The following CSMD1 variants were observed in gnomAD, a reference collection of about 807,000 sequenced individuals.
The protein encoded by CSMD1 is CUB and sushi domain-containing protein 1.
CSMD1 carries 213 observed loss-of-function variants against 417.5 expected under a neutral mutation model. That is an observed-to-expected ratio of 0.51 (90% CI 0.46 to 0.57). The LOEUF (loss-of-function observed/expected upper bound fraction) is 0.57, where lower values mean the gene tolerates loss of function less well. CSMD1 is among the 20% of genes least tolerant of loss of function. The pLI, the probability that CSMD1 is intolerant of heterozygous loss-of-function variation, is 0.00. For synonymous variants in CSMD1, 2,862 were observed against 1,736.8 expected (o/e 1.65, Z -16.11); for missense variants, 6,923 against 4,529.7 (o/e 1.53, Z -15.17).
intron 1 of CSMD1, among the ~76,000 whole-genome samples, chr8:4,898,096 T>C (rs549882644): frequency 6.6e-6 from 1 of 152,258 alleles, no homozygotes; most frequent in African/African-American, 2.4e-5. Flanking sequence ...ATTGGTTAAA[T>C]GAAGCAAACG....
At chr8:3,318,987 C>T (rs1052436765) in intron 23 of CSMD1, among the ~76,000 whole-genome samples, 1 of 152,106 alleles carries the variant, frequency 6.6e-6, no homozygotes, top group Non-Finnish European at 1.5e-5. Flanking sequence ...AAGGGAGACC[C>T]AGAAACACAA....
In CSMD1 at chr8:4,445,187, T is replaced by A. The variant is rs535226279; in HGVS notation, c.303-25122A>T. On this transcript the variant is annotated intron_variant, in intron 2 of 69. Transcript: ENST00000635120. ...GAAGAATCTGACACCTTTTTTTTAA[T>A]GTGCAGAATCCTGGTTAAGACTACT... 7.2e-5 allele frequency among the ~76,000 whole-genome samples: 11 copies of A among 152,330 alleles called. No homozygotes were observed. In the South Asian group the frequency reaches 1.5e-3, roughly 20 times the overall value.
At chr8:4,624,121 CA>C (rs1442397848) in intron 2 of CSMD1, among the ~76,000 whole-genome samples, 4 of 151,966 alleles carry the variant, frequency 2.6e-5, no homozygotes, top group Non-Finnish European at 5.9e-5. Context: ...CTCTGTATAC[CA>C]AAATTCTAAT....
intron 3 of CSMD1, among the ~76,000 whole-genome samples, chr8:4,369,236 C>G (rs561662025): frequency 2.6e-5 from 4 of 152,208 alleles, no homozygotes; most frequent in South Asian, 4.1e-4. Context: ...AGTTCAACTT[C>G]CATGTAATTG....
chr8:3,403,303 T>C (rs887368096), intron 15 of CSMD1, among the ~76,000 whole-genome samples: 2 of 152,214 alleles, frequency 1.3e-5, no homozygotes, highest in Admixed American at 6.5e-5. Flanking sequence ...ATTGCTATTT[T>C]ATTTTTTTCC....
At chr8:4,104,972 A>T (rs529840409) in intron 3 of CSMD1, among the ~76,000 whole-genome samples, 1 of 148,678 alleles carries the variant, frequency 6.7e-6, no homozygotes. Flanking sequence ...CAATTCGATC[A>T]TAATAGAACA....
chr8:3,542,424 G>T lies in CSMD1; in HGVS notation c.1344+32521C>A, dbSNP rs958220929. ...TACCCTGTTCCAGATACCGTTCTACGATTGGATGTGCGTTAGGGAATGAAA... is the reference window on the plus strand; with the variant it reads ...TACCCTGTTCCAGATACCGTTCTACTATTGGATGTGCGTTAGGGAATGAAA... On this transcript the variant is annotated intron_variant, in intron 10 of 69. Transcript: ENST00000635120. Among the ~76,000 whole-genome samples the T allele has an allele frequency of 1.1e-4, 16 of 152,228 alleles. No homozygotes were observed. The Middle Eastern group carries it at 0.01, about 97-fold the overall frequency.
intron 13 of CSMD1, 126 bp from the exon 14 acceptor site, chr8:3,408,351 T>A: frequency 1.5e-6 from 1 of 665,444 alleles, no homozygotes; most frequent in East Asian, 2.7e-5. Context: ...ATCCAACTAT[T>A]TTAATATAAG....
chr8:4,171,287 T>A (rs1009723228), intron 3 of CSMD1, among the ~76,000 whole-genome samples: 1 of 151,956 alleles, frequency 6.6e-6, no homozygotes, highest in Non-Finnish European at 1.5e-5. Context: ...TGGCATTTAT[T>A]GTAAGCAACC....
chr8:3,253,298 C>G (rs535344322), intron 26 of CSMD1, among the ~76,000 whole-genome samples: 1 of 152,066 alleles, frequency 6.6e-6, no homozygotes, highest in Non-Finnish European at 1.5e-5. Flanking sequence ...CCAGTAGTCA[C>G]TCAGGAGCAG....
Position 4,365,871 on chromosome 8 carries a change from A to T in CSMD1, c.415+54082T>A, listed in dbSNP as rs548143958. 2.6e-5 allele frequency among the ~76,000 whole-genome samples: 4 copies of T among 152,304 alleles called. No individual in the cohort carries two copies. The South Asian group carries it at 6.2e-4, about 24-fold the overall frequency. ...AACATCACTAAAAATCTACTTAAAG[A>T]GTAATTTTCTTTTGATATCAAAATA... On this transcript the variant is annotated intron_variant, in intron 3 of 69. Coordinates refer to ENST00000635120, the MANE Select transcript of CSMD1 (RefSeq NM_033225.6).
intron 3 of CSMD1, among the ~76,000 whole-genome samples, chr8:4,151,000 A>T (rs1474841404): frequency 6.6e-6 from 1 of 152,188 alleles, no homozygotes; most frequent in African/African-American, 2.4e-5. Context: ...TTTTGGAGAA[A>T]TGATGCAAGA....
intron 3 of CSMD1, among the ~76,000 whole-genome samples, chr8:4,061,031 G>T (rs1294709120): frequency 6.6e-6 from 1 of 150,820 alleles, no homozygotes; most frequent in Non-Finnish European, 1.5e-5. Context: ...AATACCCATT[G>T]TGATTAATTT....
chr8:4,923,653 T>C (rs4614017), intron 1 of CSMD1, among the ~76,000 whole-genome samples: 104,846 of 151,962 alleles, frequency 0.69, 36,890 homozygotes, highest in African/African-American at 0.81. Flanking sequence ...TGCACTCACA[T>C]GTTCTCTCCT....
At chr8:3,604,806 C>T (rs963933881) in intron 8 of CSMD1, among the ~76,000 whole-genome samples, 3 of 152,044 alleles carry the variant, frequency 2.0e-5, no homozygotes, top group Admixed American at 1.3e-4. Context: ...AGGGCATCAA[C>T]GTGATAGCAT....
At chr8:3,733,205 A>T (rs2449087) in intron 6 of CSMD1, among the ~76,000 whole-genome samples, 1,442 of 87,002 alleles carry the variant, frequency 0.017, 17 homozygotes, top group African/African-American at 0.052. Context: ...ACACACACAC[A>T]CTCTCTCTCT....
chr8:4,286,662 A>G (rs968280484), intron 3 of CSMD1, among the ~76,000 whole-genome samples: 1 of 152,210 alleles, frequency 6.6e-6, no homozygotes, highest in Non-Finnish European at 1.5e-5. Flanking sequence ...GGGGATAGCA[A>G]TCATACTGAT....
At chr8:4,475,153 C>T (rs1175840497) in intron 2 of CSMD1, among the ~76,000 whole-genome samples, 1 of 152,054 alleles carries the variant, frequency 6.6e-6, no homozygotes, top group African/African-American at 2.4e-5. Context: ...ATTAAGCAAG[C>T]CTATTGATAT....
At chr8:4,981,440 T>G (rs1810882803) in intron 1 of CSMD1, among the ~76,000 whole-genome samples, 2 of 152,142 alleles carry the variant, frequency 1.3e-5, no homozygotes, top group Non-Finnish European at 2.9e-5. Flanking sequence ...TAAGGGAGTG[T>G]CCTCTCTGTG....
Sources: allele counts gnomAD v4.1 joint callset (sites outside exome capture counted in the v4.1 genomes callset), GRCh38; gene constraint gnomAD v4.1.1; transcripts MANE v1.5; gene names NCBI Gene and HGNC (gene_info 2026-07-23, HGNC 2026-07-21).